Variants in CADPS observed in about 807,000 individuals in gnomAD.
CADPS encodes the protein calcium-dependent secretion activator 1.
A neutral mutation model predicts 167.3 loss-of-function variants in CADPS; 57 were observed. That is an observed-to-expected ratio of 0.34 (90% confidence interval 0.28 to 0.42). CADPS has a LOEUF of 0.42. Ranked by LOEUF, CADPS falls within the 20% of genes least tolerant of loss-of-function variation. The probability of loss-of-function intolerance (pLI) is 1.00; values close to 1 mark genes in which losing one functional copy is unlikely to be tolerated. For synonymous variants in CADPS, 676 were observed against 635.3 expected (o/e 1.06, Z -0.96); for missense variants, 1,414 against 1,738.1 (o/e 0.81, Z 3.32).
chr3:62,564,411 C>T (rs1046915201), intron 9 of CADPS, among the ~76,000 whole-genome samples: 1 of 152,150 alleles, frequency 6.6e-6, no homozygotes, highest in Non-Finnish European at 1.5e-5. Context: ...GCCTTGTCCT[C>T]ACTGTAGTAC....
chr3:62,829,812 C>T (rs2074736214), intron 1 of CADPS, among the ~76,000 whole-genome samples: 1 of 152,098 alleles, frequency 6.6e-6, no homozygotes, highest in Non-Finnish European at 1.5e-5. Context: ...AAAATAGTTC[C>T]TACTGAGAAG....
In CADPS at chr3:62,693,506, C is replaced by G. The variant is rs542196528; in HGVS notation, c.889-31112G>C. On this transcript the variant is annotated intron_variant, in intron 3 of 29. Transcript: ENST00000383710. ...TTTTGCCAGGTGCAGTGGCTCACAT[C>G]TGTAATCCCAGCAGTGGCTCACATC... Among the ~76,000 whole-genome samples the G allele has an allele frequency of 2.6e-4, 39 of 152,140 alleles. No individual in the cohort carries two copies. The South Asian group carries it at 7.7e-3, about 30-fold the overall frequency.
At chr3:62,693,408 CA>C (rs1247896504) in intron 3 of CADPS, among the ~76,000 whole-genome samples, 2 of 152,076 alleles carry the variant, frequency 1.3e-5, no homozygotes, top group Middle Eastern at 3.2e-3. Flanking sequence ...AACCCAGCCT[CA>C]AGCCAGACAC....
At chr3:62,857,224 T>C (rs1203884969) in intron 1 of CADPS, among the ~76,000 whole-genome samples, 1 of 151,840 alleles carries the variant, frequency 6.6e-6, no homozygotes, top group Non-Finnish European at 1.5e-5. Flanking sequence ...GAAATGCAAA[T>C]ACAGAATTTT....
intron 3 of CADPS, among the ~76,000 whole-genome samples, chr3:62,716,058 T>C (rs2084511915): frequency 8.2e-6 from 1 of 121,420 alleles, no homozygotes; most frequent in Non-Finnish European, 1.8e-5. Flanking sequence ...AATCTATTTT[T>C]TAAAAAACAC....
chr3:62,743,097 G>A (rs758963731), intron 3 of CADPS, among the ~76,000 whole-genome samples: 2 of 152,072 alleles, frequency 1.3e-5, no homozygotes, highest in South Asian at 2.1e-4. Context: ...GAGTCATAAC[G>A]GCTATTATTA....
At chr3:62,786,499 G>A (rs1342686073) in intron 1 of CADPS, among the ~76,000 whole-genome samples, 3 of 152,044 alleles carry the variant, frequency 2.0e-5, no homozygotes, top group Admixed American at 1.3e-4. Context: ...ACATTAGCTA[G>A]GTATGGTGTC....
At chr3:62,846,381 T>A (rs1418880076) in intron 1 of CADPS, among the ~76,000 whole-genome samples, 3 of 152,210 alleles carry the variant, frequency 2.0e-5, no homozygotes, top group African/African-American at 7.2e-5. Context: ...TCTCTTTTTA[T>A]GATGTCACTG....
chr3:62,691,838 C>A (rs1333300406), intron 3 of CADPS, among the ~76,000 whole-genome samples: 3 of 151,968 alleles, frequency 2.0e-5, no homozygotes, highest in Non-Finnish European at 4.4e-5. Flanking sequence ...GGCTTAATAC[C>A]TTGGTGATGG....
In CADPS at chr3:62,874,563, T is replaced by C; in HGVS notation, c.441+26A>G. 6.5e-7 allele frequency: 1 copy of C among 1,527,360 alleles called. No homozygotes were observed. The highest frequency in any genetic ancestry group is 8.8e-7 in the Non-Finnish European group (1 of 1,130,364). 94.6% of individuals were successfully genotyped at this position (1,527,360 alleles called of 1,614,324 possible). A position where few individuals can be genotyped will look rare whatever the true frequency, so the allele number is the denominator to read the frequency against. On this transcript the variant is annotated intron_variant, in intron 1 of 29. Coordinates refer to ENST00000383710, the MANE Select transcript of CADPS (RefSeq NM_003716.4). The surrounding 1 kb of genome is among the most constrained non-coding windows in gnomAD (Gnocchi z 7.1). ...CCGCCTGGCGACGTCCGGGTGCTGCTCCCTGGGCCTCCCAGGCGCACCTAC... is the reference window on the plus strand; with the variant it reads ...CCGCCTGGCGACGTCCGGGTGCTGCCCCCTGGGCCTCCCAGGCGCACCTAC...
At chr3:62,854,262 C>T (rs181876334) in intron 1 of CADPS, among the ~76,000 whole-genome samples, 1 of 152,260 alleles carries the variant, frequency 6.6e-6, no homozygotes, top group East Asian at 1.9e-4. Flanking sequence ...ATGAACCTCC[C>T]CGTTAAAAAA....
At chr3:62,581,294 C>T (rs1415986840) in intron 8 of CADPS, among the ~76,000 whole-genome samples, 2 of 152,052 alleles carry the variant, frequency 1.3e-5, no homozygotes, top group African/African-American at 4.8e-5. Context: ...TTTTCTGATG[C>T]TACCTTCCCC....
intron 28 of CADPS, among the ~76,000 whole-genome samples, chr3:62,417,455 T>C (rs2050354269): frequency 6.6e-6 from 1 of 151,762 alleles, no homozygotes; most frequent in South Asian, 2.1e-4. Context: ...TGGCTAATTT[T>C]TGTATTTTTA....
intron 1 of CADPS, among the ~76,000 whole-genome samples, chr3:62,873,476 A>G (rs753394123): frequency 2.0e-5 from 3 of 152,120 alleles, no homozygotes; most frequent in Non-Finnish European, 4.4e-5. Context: ...AAGAGAACAG[A>G]ACGCTGACTT....
At chr3:62,826,405 G>C (rs759401143) in intron 1 of CADPS, among the ~76,000 whole-genome samples, 7 of 152,084 alleles carry the variant, frequency 4.6e-5, no homozygotes, top group Non-Finnish European at 8.8e-5. Flanking sequence ...TTGTATGATA[G>C]CTATGCAACA....
In CADPS at chr3:62,874,173, G is replaced by C. The variant is rs1577744699; in HGVS notation, c.441+416C>G. On this transcript the variant is annotated intron_variant, in intron 1 of 29. Coordinates refer to ENST00000383710, the MANE Select transcript of CADPS (RefSeq NM_003716.4). This position sits in a 1 kb window ranked among gnomAD's most constrained non-coding sequence, Gnocchi z 7.1. ...CGCCCGCCGAACGCACGCCCAGGAG[G>C]GCGGGCCCGGAGTTGAGCGCAGCCG... Among the ~76,000 whole-genome samples the C allele has an allele frequency of 6.6e-6, 1 of 151,918 alleles. No homozygotes were observed. The highest frequency in any genetic ancestry group is 2.4e-5 in the African/African-American group (1 of 41,388).
intron 1 of CADPS, among the ~76,000 whole-genome samples, chr3:62,857,824 T>C (rs1577434208): frequency 6.6e-6 from 1 of 152,066 alleles, no homozygotes; most frequent in Non-Finnish European, 1.5e-5. Context: ...AACTGTAAAA[T>C]TTAATATTTT....
At chr3:62,406,189 A>T (rs575763504) in intron 28 of CADPS, among the ~76,000 whole-genome samples, 3 of 152,312 alleles carry the variant, frequency 2.0e-5, no homozygotes, top group African/African-American at 7.2e-5. Context: ...TATCACATTG[A>T]TAGCTAGAAA....
At chr3:62,828,997 T>C (rs1440613167) in intron 1 of CADPS, among the ~76,000 whole-genome samples, 1 of 152,220 alleles carries the variant, frequency 6.6e-6, no homozygotes, top group African/African-American at 2.4e-5. Context: ...CTGAATTTGA[T>C]GGCCTGTGGA....
Sources: gnomAD v4.1 joint callset for allele counts (sites outside exome capture counted in the v4.1 genomes callset) on GRCh38, gnomAD v4.1.1 for gene constraint, Gnocchi (gnomAD v3.1) non-coding constraint, MANE v1.5 for transcripts, NCBI Gene and HGNC (gene_info 2026-07-23, HGNC 2026-07-21) for gene names.